The following PRKDC variants were observed in gnomAD, a reference collection of about 807,000 sequenced individuals.
PRKDC encodes the protein protein kinase, DNA-activated, catalytic subunit.
In PRKDC, 82 loss-of-function variants were observed where a neutral mutation model predicts 486.9. The ratio of observed to expected loss-of-function variants is 0.17; its 90% confidence interval spans 0.14 to 0.20. The LOEUF is 0.20. Ranked by LOEUF, PRKDC falls within the 10% of genes least tolerant of loss-of-function variation. PRKDC has a pLI of 1.00. For missense variants in PRKDC, 4,504 were observed against 5,038.2 expected, an observed-to-expected ratio of 0.89 and a Z score of 3.21; for synonymous variants, 1,895 against 1,837.0, an observed-to-expected ratio of 1.03 and a Z score of -0.81.
chr8:47,821,333 A>G (rs1002519294), intron 65 of PRKDC, among the ~76,000 whole-genome samples: 5 of 152,222 alleles, frequency 3.3e-5, no homozygotes, highest in South Asian at 2.1e-4. Context: ...TTCTTGTAAT[A>G]TAAGAGACAA....
At position 47,778,337 on chromosome 8, in the gene PRKDC, A is replaced by G. The variant is rs1342489144; in HGVS notation, c.11853+122T>C. On this transcript the variant is annotated intron_variant, in intron 83 of 85. Coordinates refer to ENST00000314191, the MANE Select transcript of PRKDC (RefSeq NM_006904.7). ...TTATCCCTTTCTGCATTCAATGACC[A>G]TGACAAAACGAATCTAACTAATATG... is the stretch of plus-strand genomic sequence containing the variant. 6 of 1,086,512 alleles carry G rather than the reference A, an allele frequency of 5.5e-6. No individual in the cohort carries two copies. In the South Asian group the frequency reaches 6.4e-5, roughly 12 times the overall value. The allele number at this position is 1,086,512 out of a possible 1,614,324, so 67.3% of individuals were successfully genotyped here. A position where few individuals can be genotyped will look rare whatever the true frequency, so the allele number is the denominator to read the frequency against.
At chr8:47,855,642 G>C (rs2088520270) in intron 49 of PRKDC, among the ~76,000 whole-genome samples, 2 of 152,188 alleles carry the variant, frequency 1.3e-5, no homozygotes, top group African/African-American at 4.8e-5. Context: ...TTCCTCCCTG[G>C]AGCCTCCATG....
At chr8:47,884,384 C>T (rs1260491464) in intron 36 of PRKDC, among the ~76,000 whole-genome samples, 1 of 152,242 alleles carries the variant, frequency 6.6e-6, no homozygotes, top group East Asian at 1.9e-4. Flanking sequence ...CACCTCGCTG[C>T]TATCTCAAAC....
chr8:47,958,551 A>C (rs2090750564), intron 1 of PRKDC, among the ~76,000 whole-genome samples: 1 of 152,192 alleles, frequency 6.6e-6, no homozygotes, highest in Admixed American at 6.5e-5. Context: ...GATATGGCAT[A>C]AATGGAAGGT....
intron 69 of PRKDC, among the ~76,000 whole-genome samples, chr8:47,804,085 C>T (rs896451498): frequency 2.0e-5 from 3 of 152,156 alleles, no homozygotes; most frequent in African/African-American, 7.2e-5. Context: ...AGTCACTACC[C>T]AGCCATTGGC....
At chr8:47,883,851 C>T (rs1370065356) in intron 36 of PRKDC, among the ~76,000 whole-genome samples, 1 of 152,254 alleles carries the variant, frequency 6.6e-6, no homozygotes, top group East Asian at 1.9e-4. Flanking sequence ...GCGTCCCTTT[C>T]CTCAGGTGCC....
chr8:47,791,573 C>A (rs1395452329), intron 74 of PRKDC, among the ~76,000 whole-genome samples: 1 of 152,112 alleles, frequency 6.6e-6, no homozygotes. Flanking sequence ...GGCAAAGGAT[C>A]TGAATAGACA....
chr8:47,916,173 G>T (rs1396346123), intron 22 of PRKDC, among the ~76,000 whole-genome samples: 1 of 152,132 alleles, frequency 6.6e-6, no homozygotes. Context: ...CTTAGGCTGG[G>T]CGCAGTGGCT....
At chr8:47,950,760 G>T (rs994871035) in intron 7 of PRKDC, among the ~76,000 whole-genome samples, 1 of 152,050 alleles carries the variant, frequency 6.6e-6, no homozygotes, top group Non-Finnish European at 1.5e-5. Flanking sequence ...AGGTGGGAGG[G>T]TCACTTGATG....
chr8:47,939,838 T>C (rs1270382609), intron 10 of PRKDC, 141 bp from the exon 11 acceptor site: 6 of 714,196 alleles, frequency 8.4e-6, no homozygotes, highest in South Asian at 5.8e-5. Flanking sequence ...TAAAGACCCT[T>C]TGCTTCCATT....
intron 19 of PRKDC, 110 bp from the exon 20 acceptor site, chr8:47,928,000 A>T (rs2090181722): frequency 1.9e-6 from 2 of 1,038,980 alleles, no homozygotes; most frequent in Non-Finnish European, 2.5e-6. Context: ...CGTAGCCTTT[A>T]TTGACATGAC....
Position 47,858,926 on chromosome 8 carries a change from G to A in PRKDC, c.6268C>T (p.Arg2090Trp), listed in dbSNP as rs375294044. 79 of 1,613,744 alleles carry A rather than the reference G, an allele frequency of 4.9e-5. No individual in the cohort carries two copies. Among genetic ancestry groups the A allele is most frequent in the Middle Eastern group, 1.6e-4 (1 of 6,062 alleles). The stretch of plus-strand genomic sequence containing the variant: ...GTCAGGGGCGCCATGCACTCATGCC[G>A]ATTGAGCTCGTCCATCTCCAGCTCC... ...VLELEMDELN[R>W]HECMAPLTAL... The change falls in exon 47 of 86, where the codon CGG becomes TGG. Residue 2090 changes from arginine to tryptophan, a missense_variant. Physicochemically the swap from Arg to Trp is moderately radical, Grantham distance 101. Coordinates refer to ENST00000314191, the MANE Select transcript of PRKDC (RefSeq NM_006904.7).
At chr8:47,929,439 C>G (rs375509261) in intron 18 of PRKDC, among the ~76,000 whole-genome samples, 7 of 152,310 alleles carry the variant, frequency 4.6e-5, no homozygotes, top group East Asian at 1.9e-4. Context: ...TGTAATTACC[C>G]AGGTGGGCTC....
At chr8:47,852,868 G>T in intron 51 of PRKDC, 84 bp from the exon 52 acceptor site, 1 of 914,088 alleles carries the variant, frequency 1.1e-6, no homozygotes, top group Non-Finnish European at 1.7e-6. Flanking sequence ...TCCTTCTCAT[G>T]TCATATTGAC....
At chr8:47,811,945 C>A (rs2087336709) in intron 68 of PRKDC, among the ~76,000 whole-genome samples, 1 of 152,142 alleles carries the variant, frequency 6.6e-6, no homozygotes, top group Admixed American at 6.6e-5. Flanking sequence ...CCACTGCACT[C>A]CAGCCTGGGC....
At position 47,782,719 on chromosome 8, in the gene PRKDC, A is replaced by G; in HGVS notation, c.11176-121T>C. Reference sequence around the variant, plus strand: ...CCGCCCTCTGAAGACAGTGCCAAAGAGCAGAGCGCCCAGGCCAGCAACGAA... The same window carrying G: ...CCGCCCTCTGAAGACAGTGCCAAAGGGCAGAGCGCCCAGGCCAGCAACGAA... On this transcript the variant is annotated intron_variant, in intron 78 of 85. Transcript: ENST00000314191. This position sits in a 1 kb window ranked among gnomAD's most constrained non-coding sequence, Gnocchi z 4.9. 8.9e-7 allele frequency: 1 copy of G among 1,119,014 alleles called. No individual in the cohort carries two copies. The highest frequency in any genetic ancestry group is 1.3e-6 in the Non-Finnish European group (1 of 794,092). 69.3% of individuals were successfully genotyped at this position (1,119,014 alleles called of 1,614,324 possible).
intron 1 of PRKDC, among the ~76,000 whole-genome samples, chr8:47,957,676 A>G (rs1324137873): frequency 6.6e-6 from 1 of 151,820 alleles, no homozygotes; most frequent in Non-Finnish European, 1.5e-5. Context: ...ATGCCCGGCT[A>G]ATTTTTTTTT....
In PRKDC at chr8:47,897,168, T is replaced by C. The variant is rs1455847879; in HGVS notation, c.3591A>G (p.Leu1197=). 1 of 1,596,278 alleles carries C rather than the reference T, an allele frequency of 6.3e-7. No individual in the cohort carries two copies. Among genetic ancestry groups the C allele is most frequent in the Non-Finnish European group, 8.6e-7 (1 of 1,165,812 alleles). The change falls in exon 30 of 86, where the codon TTA becomes TTG. Residue 1197 remains leucine (L), a synonymous_variant. Coordinates refer to ENST00000314191, the MANE Select transcript of PRKDC (RefSeq NM_006904.7). ...ATATACAGATTACCATACCTGGCAA[T>C]AAAGGAACGAATTTATAAAAGAGTT... is the stretch of plus-strand genomic sequence containing the variant. The part of the protein sequence containing the change: ...SIELFYKFVP[L]LPGNRSPNLW...
In PRKDC at chr8:47,943,971, T is replaced by A; in HGVS notation, c.777+3A>T. 3 of 1,561,924 alleles carry A rather than the reference T, an allele frequency of 1.9e-6. No homozygotes were observed. The highest frequency in any genetic ancestry group is 2.6e-6 in the Non-Finnish European group (3 of 1,150,634). ...ATAATATTAATAGTAATATTAATCC[T>A]ACCTGAGGACGAATTGCCTTTAGTA... On this transcript the variant is annotated splice_donor_region_variant and intron_variant, in intron 8 of 85. Transcript: ENST00000314191.
Sources: allele counts gnomAD v4.1 joint callset (sites outside exome capture counted in the v4.1 genomes callset), GRCh38; gene constraint gnomAD v4.1.1; non-coding constraint Gnocchi (gnomAD v3.1); transcripts MANE v1.5; gene names NCBI Gene and HGNC (gene_info 2026-07-23, HGNC 2026-07-21).